Variants in WWOX observed in about 807,000 individuals in gnomAD.
WWOX encodes WW domain containing oxidoreductase, also known as WW domain-containing oxidoreductase.
In WWOX, 69 loss-of-function variants were observed where a neutral mutation model predicts 46.2. The observed-to-expected ratio is 1.49, with a 90% CI of 1.23 to 1.82. The LOEUF is 1.82. Ranked by LOEUF, WWOX falls within the 40% of genes most tolerant of loss-of-function variation. The probability of loss-of-function intolerance (pLI) is 0.00; values close to 1 mark genes in which losing one functional copy is unlikely to be tolerated. For missense variants in WWOX, 919 were observed against 542.6 expected, an observed-to-expected ratio of 1.69 and a Z score of -6.89; for synonymous variants, 359 against 202.6, an observed-to-expected ratio of 1.77 and a Z score of -6.56.
chr16:78,199,523 C>T (rs150653811), intron 5 of WWOX, among the ~76,000 whole-genome samples: 1 of 152,130 alleles, frequency 6.6e-6, no homozygotes, highest in African/African-American at 2.4e-5. Flanking sequence ...TTTGTACTAC[C>T]CAGGAAAGCC....
intron 8 of WWOX, among the ~76,000 whole-genome samples, chr16:78,933,811 C>G (rs1597170503): frequency 6.6e-6 from 1 of 152,260 alleles, no homozygotes; most frequent in Non-Finnish European, 1.5e-5. Flanking sequence ...CTCCCACCAG[C>G]TTCCTCCCAC....
intron 8 of WWOX, chr16:79,204,942 T>C (rs2150840519): frequency 6.6e-6 from 1 of 152,322 alleles, no homozygotes. Flanking sequence ...GTCCACCTCT[T>C]AAAACTTCTT....
chr16:79,139,962 G>A (rs903851456), intron 8 of WWOX, among the ~76,000 whole-genome samples: 2 of 152,168 alleles, frequency 1.3e-5, no homozygotes, highest in African/African-American at 4.8e-5. Context: ...GATCATTTTA[G>A]CACCAACATT....
At chr16:78,515,947 GTCAATCAGTCAA>G (rs2043225992) in intron 8 of WWOX, among the ~76,000 whole-genome samples, 1 of 152,074 alleles carries the variant, frequency 6.6e-6, no homozygotes, top group African/African-American at 2.4e-5. Context: ...TTGTCTCTCA[GTCAATCAGTCAA>G]TCAATCAGTC....
At chr16:78,440,612 G>GTT (rs57345113) in intron 8 of WWOX, among the ~76,000 whole-genome samples, 36 of 144,684 alleles carry the variant, frequency 2.5e-4, no homozygotes, top group African/African-American at 8.4e-4. Flanking sequence ...AATTTCTGTA[G>GTT]TTTTTTTTTT....
chr16:79,116,166 C>G (rs977052209), intron 8 of WWOX, among the ~76,000 whole-genome samples: 6 of 152,192 alleles, frequency 3.9e-5, no homozygotes, highest in African/African-American at 1.4e-4. Flanking sequence ...GGTGGAGGGT[C>G]TTGCCTTGAT....
At position 78,386,924 on chromosome 16, in the gene WWOX, C is replaced by G. The variant is rs1273866839; in HGVS notation, c.581C>G (p.Ala194Gly). ...LALLRSVQHF[A>G]EAFKAKNVPL... ...CTGCTCCGTAGCGTGCAGCATTTTGCTGAAGCATTCAAGGCCAAGAATGTG... is the reference window on the plus strand; with the variant it reads ...CTGCTCCGTAGCGTGCAGCATTTTGGTGAAGCATTCAAGGCCAAGAATGTG... Residue 194 changes from alanine (A) to glycine (G), a missense_variant, in exon 6 of 9, where the codon GCT (alanine) becomes GGT (glycine). By Grantham distance (60) the Ala-to-Gly change is moderately conservative (BLOSUM62 0). Transcript: ENST00000566780. 6.2e-7 allele frequency: 1 copy of G among 1,614,072 alleles called. No individual in the cohort carries two copies. The highest frequency in any genetic ancestry group is 1.1e-5 in the South Asian group (1 of 91,076).
At chr16:78,682,142 T>C (rs974084947) in intron 8 of WWOX, among the ~76,000 whole-genome samples, 47 of 152,226 alleles carry the variant, frequency 3.1e-4, no homozygotes, top group African/African-American at 1.1e-3. Flanking sequence ...GGTGTTACTG[T>C]TATTTTATTT....
intron 8 of WWOX, among the ~76,000 whole-genome samples, chr16:79,162,351 A>G (rs1156598782): frequency 6.6e-6 from 1 of 152,196 alleles, no homozygotes; most frequent in Non-Finnish European, 1.5e-5. Flanking sequence ...AGTTAAGGCC[A>G]CGCAGACCAG....
At chr16:78,397,664 G>A (rs1002266972) in intron 6 of WWOX, among the ~76,000 whole-genome samples, 1 of 152,178 alleles carries the variant, frequency 6.6e-6, no homozygotes, top group Admixed American at 6.5e-5. Flanking sequence ...ATAGATGATG[G>A]ACAGCCACTG....
At chr16:78,708,182 C>A (rs577687137) in intron 8 of WWOX, among the ~76,000 whole-genome samples, 4 of 152,146 alleles carry the variant, frequency 2.6e-5, no homozygotes, top group African/African-American at 7.2e-5. Context: ...TAGAGCAAGA[C>A]CCTGTGTCTT....
chr16:79,024,585 C>T (rs1290807479), intron 8 of WWOX, among the ~76,000 whole-genome samples: 1 of 152,246 alleles, frequency 6.6e-6, no homozygotes, highest in South Asian at 2.1e-4. Flanking sequence ...AGGCACCCAC[C>T]ACCATGCCTG....
At position 79,212,488 on chromosome 16, in the gene WWOX, C is replaced by G. The variant is rs1246977754; in HGVS notation, c.*692C>G. 1 of 218,388 alleles carries G rather than the reference C, an allele frequency of 4.6e-6. No individual in the cohort carries two copies. The highest frequency in any genetic ancestry group is 2.3e-5 in the African/African-American group (1 of 44,392). The allele number at this position is 218,388 out of a possible 1,614,324, so 13.5% of individuals were successfully genotyped here. ...ATCATTCCTTAGATACCTTGAAAGG[C>G]AGGAAGGGAAGCGTATATACTTAAG... On this transcript the variant is annotated 3_prime_UTR_variant, in exon 9 of 9. Coordinates refer to ENST00000566780, the MANE Select transcript of WWOX (RefSeq NM_016373.4).
chr16:78,414,105 C>G (rs781534418), intron 6 of WWOX, among the ~76,000 whole-genome samples: 1 of 151,940 alleles, frequency 6.6e-6, no homozygotes, highest in South Asian at 2.1e-4. Flanking sequence ...CAGTGAGTCT[C>G]AGGAGCTCCC....
At chr16:79,019,188 A>AAAAAAAAAAAAAG (rs2047480961) in intron 8 of WWOX, among the ~76,000 whole-genome samples, 5 of 60,932 alleles carry the variant, frequency 8.2e-5, no homozygotes, top group Non-Finnish European at 1.3e-4. Flanking sequence ...AAAAAAAAGA[A>AAAAAAAAAAAAAG]AAAAAAAAGT....
At chr16:78,931,586 T>C (rs564151131) in intron 8 of WWOX, among the ~76,000 whole-genome samples, 1 of 152,322 alleles carries the variant, frequency 6.6e-6, no homozygotes, top group East Asian at 1.9e-4. Context: ...TTGAGAAACC[T>C]ATAGTCTAAT....
chr16:79,166,018 A>C (rs1455355788), intron 8 of WWOX, among the ~76,000 whole-genome samples: 2 of 152,192 alleles, frequency 1.3e-5, no homozygotes, highest in Non-Finnish European at 2.9e-5. Context: ...TTTCATAACT[A>C]TCTGCATTTC....
intron 8 of WWOX, among the ~76,000 whole-genome samples, chr16:78,776,698 G>T (rs571441090): frequency 6.6e-6 from 1 of 152,152 alleles, no homozygotes; most frequent in Non-Finnish European, 1.5e-5. Flanking sequence ...TCACAATTCT[G>T]CATGGTCGGG....
chr16:78,222,834 C>T (rs551683162), intron 5 of WWOX, among the ~76,000 whole-genome samples: 1 of 152,318 alleles, frequency 6.6e-6, no homozygotes, highest in Non-Finnish European at 1.5e-5. Flanking sequence ...GTGACACGCG[C>T]TCCAGATAAG....
Sources: allele counts gnomAD v4.1 joint callset (sites outside exome capture counted in the v4.1 genomes callset), GRCh38; gene constraint gnomAD v4.1.1; transcripts MANE v1.5; gene names NCBI Gene and HGNC (gene_info 2026-07-23, HGNC 2026-07-21).